CHN1: variants seen among roughly 807,000 people sequenced by gnomAD.
CHN1 encodes N-chimaerin.
Under a neutral mutation model 59.5 loss-of-function variants are expected in CHN1, and 37 were observed. The ratio of observed to expected loss-of-function variants is 0.62; its 90% CI spans 0.48 to 0.82. CHN1 has a LOEUF of 0.82. CHN1 is among the 40% of genes least tolerant of loss of function. CHN1 has a pLI of 0.00. For synonymous variants in CHN1, 206 were observed against 200.4 expected (o/e 1.03, Z -0.24); for missense variants, 469 against 571.0 (o/e 0.82, Z 1.82).
In CHN1 at chr2:174,812,499, G is replaced by A; in HGVS notation, c.713-17C>T. The A allele has an allele frequency of 6.2e-7, 1 of 1,611,028 alleles. No homozygotes were observed. The highest frequency in any genetic ancestry group is 8.5e-7 in the Non-Finnish European group (1 of 1,179,000). On this transcript the variant is annotated splice_polypyrimidine_tract_variant and intron_variant, in intron 8 of 12. Coordinates refer to ENST00000409900, the MANE Select transcript of CHN1 (RefSeq NM_001822.7). ...AACCACAATCTAAGAAAAGAATAAA[G>A]AAAGGAAACATTCAATATTATTTTC...
intron 7 of CHN1, among the ~76,000 whole-genome samples, chr2:174,829,170 C>T (rs571196839): frequency 1.9e-3 from 283 of 152,328 alleles, no homozygotes; most frequent in Non-Finnish European, 3.0e-3. Flanking sequence ...TTTGTGATTG[C>T]TTTTAACCTG....
At chr2:174,847,269 T>C (rs1686552163) in intron 6 of CHN1, 1 of 1,377,760 alleles carries the variant, frequency 7.3e-7, no homozygotes, top group Non-Finnish European at 9.3e-7. Flanking sequence ...CACGGAGAGG[T>C]GGAGGAGGAG....
intron 9 of CHN1, 31 bp from the exon 10 acceptor site, chr2:174,811,619 A>G: frequency 7.1e-7 from 1 of 1,415,064 alleles, no homozygotes; most frequent in Non-Finnish European, 9.9e-7. Context: ...GTTTCTTTGA[A>G]TTATGCCTTT....
At chr2:174,811,936 ATGCAGCTC>A (rs1314274958) in intron 9 of CHN1, among the ~76,000 whole-genome samples, 1 of 138,956 alleles carries the variant, frequency 7.2e-6, no homozygotes, top group Non-Finnish European at 1.5e-5. Flanking sequence ...AATAATTAGG[ATGCAGCTC>A]TGTTTTTGGC....
chr2:174,965,730 G>A (rs968918664), intron 1 of CHN1, among the ~76,000 whole-genome samples: 4 of 152,108 alleles, frequency 2.6e-5, no homozygotes, highest in Non-Finnish European at 4.4e-5. Flanking sequence ...GAGATTTCCT[G>A]TACTGCTTTA....
At chr2:174,900,576 C>A (rs1032721969) in intron 5 of CHN1, among the ~76,000 whole-genome samples, 3 of 152,154 alleles carry the variant, frequency 2.0e-5, no homozygotes, top group Non-Finnish European at 4.4e-5. Context: ...GAGGCCAAGG[C>A]GGGTGGATCA....
intron 5 of CHN1, among the ~76,000 whole-genome samples, chr2:174,884,200 T>C (rs2105339761): frequency 6.6e-6 from 1 of 152,156 alleles, no homozygotes; most frequent in East Asian, 1.9e-4. Flanking sequence ...CTCGATCTCC[T>C]GACCTCGTGA....
At chr2:174,859,121 A>C (rs1428154336) in intron 6 of CHN1, among the ~76,000 whole-genome samples, 2 of 152,124 alleles carry the variant, frequency 1.3e-5, no homozygotes, top group Non-Finnish European at 2.9e-5. Flanking sequence ...AGACTGGTAC[A>C]TTACTACCTT....
At chr2:174,921,010 G>A (rs1376050597) in intron 3 of CHN1, 3 of 416,840 alleles carry the variant, frequency 7.2e-6, no homozygotes, top group Non-Finnish European at 5.0e-6. Context: ...TCACAATAGG[G>A]TTCGCGTTCC....
intron 5 of CHN1, among the ~76,000 whole-genome samples, chr2:174,899,355 T>C (rs966259908): frequency 7.9e-5 from 12 of 152,192 alleles, no homozygotes; most frequent in Non-Finnish European, 1.3e-4. Context: ...TGTGAATATC[T>C]TCTTGTCCCT....
intron 8 of CHN1, among the ~76,000 whole-genome samples, chr2:174,817,496 G>T (rs992561485): frequency 1.4e-5 from 2 of 148,098 alleles, no homozygotes; most frequent in African/African-American, 5.0e-5. Context: ...ACAGGGTCTC[G>T]CTCTGTCACC....
At chr2:174,976,329 C>A (rs1474259779) in intron 1 of CHN1, among the ~76,000 whole-genome samples, 1 of 151,800 alleles carries the variant, frequency 6.6e-6, no homozygotes. Context: ...CCTCCGCCTC[C>A]CGGGTTCAAG....
chr2:174,985,186 C>T (rs1350691161), intron 1 of CHN1, among the ~76,000 whole-genome samples: 1 of 152,288 alleles, frequency 6.6e-6, no homozygotes, highest in East Asian at 1.9e-4. Context: ...ACATGTAGCT[C>T]TTTCCATTGA....
chr2:174,828,654 C>G (rs910862436), intron 7 of CHN1, among the ~76,000 whole-genome samples: 2 of 152,146 alleles, frequency 1.3e-5, no homozygotes, highest in Non-Finnish European at 2.9e-5. Context: ...ATGATGAAAT[C>G]TGAATACAAT....
chr2:174,941,766 T>A (rs1246086393), intron 3 of CHN1, among the ~76,000 whole-genome samples: 1 of 152,198 alleles, frequency 6.6e-6, no homozygotes, highest in Non-Finnish European at 1.5e-5. Flanking sequence ...GAACAGGATC[T>A]CACCATGTTG....
rs972202899 is a variant in CHN1 at position 175,004,970 on chromosome 2, A to G, written c.-58T>C. 4.0e-6 allele frequency: 6 copies of G among 1,509,448 alleles called. No individual in the cohort carries two copies. The African/African-American group carries it at 7.2e-5, about 18-fold the overall frequency. The allele number at this position is 1,509,448 out of a possible 1,614,324, so 93.5% of individuals were successfully genotyped here. A position where few individuals can be genotyped will look rare whatever the true frequency, so the allele number is the denominator to read the frequency against. On this transcript the variant is annotated 5_prime_UTR_variant, in exon 1 of 13. Coordinates refer to ENST00000409900, the MANE Select transcript of CHN1 (RefSeq NM_001822.7). ...GGCGCTCCTCCCAGGCGGGCTAGGG[A>G]TCACCTCATCAGCCCGCCGCACCCA... is the stretch of plus-strand genomic sequence containing the variant.
At chr2:174,914,842 CAAAAAAAAAAA>C (rs577375465) in intron 5 of CHN1, among the ~76,000 whole-genome samples, 1 of 100,086 alleles carries the variant, frequency 1.0e-5, no homozygotes, top group African/African-American at 3.7e-5. Context: ...AGATTCCATT[CAAAAAAAAAAA>C]AAAAAAAAGT....
chr2:174,801,821 G>A lies in CHN1; in HGVS notation c.1103-9C>T. 6.3e-7 allele frequency: 1 copy of A among 1,593,146 alleles called. No individual in the cohort carries two copies. The highest frequency in any genetic ancestry group is 8.6e-7 in the Non-Finnish European group (1 of 1,161,302). On this transcript the variant is annotated splice_polypyrimidine_tract_variant and intron_variant, in intron 11 of 12. Transcript: ENST00000409900. ...ATCCGGATCCATAATTTCTAAAATA[G>A]CAAGTCGAATACCAAGAAGAAAAGA...
At chr2:174,922,916 A>G (rs1288871292) in intron 3 of CHN1, among the ~76,000 whole-genome samples, 2 of 152,188 alleles carry the variant, frequency 1.3e-5, no homozygotes, top group Admixed American at 1.3e-4. Context: ...TTTAGGAAAA[A>G]GCACATACAC....
Sources: allele counts gnomAD v4.1 joint callset (sites outside exome capture counted in the v4.1 genomes callset), GRCh38; gene constraint gnomAD v4.1.1; transcripts MANE v1.5; gene names NCBI Gene and HGNC (gene_info 2026-07-23, HGNC 2026-07-21).